The following UNC5CL variants were observed in gnomAD, a reference collection of about 807,000 sequenced individuals.
UNC5CL encodes UNC5C-like protein.
UNC5CL carries 42 observed loss-of-function variants against 54.1 expected under a neutral mutation model. The ratio of observed to expected loss-of-function variants is 0.78; its 90% CI spans 0.61 to 1.00. The LOEUF (loss-of-function observed/expected upper bound fraction) is 1.00, where lower values mean the gene tolerates loss of function less well. Ranked by LOEUF, UNC5CL falls within the 50% of genes least tolerant of loss-of-function variation. The pLI, the probability that UNC5CL is intolerant of heterozygous loss-of-function variation, is 0.00. For missense variants in UNC5CL, 619 were observed against 675.6 expected (o/e 0.92, Z 0.93); for synonymous variants, 285 against 285.1 (o/e 1.00, Z 0.00).
At chr6:41,030,286 T>C in intron 8 of UNC5CL, 102 bp downstream of exon 8, 1 of 1,129,084 alleles carries the variant, frequency 8.9e-7, no homozygotes, top group Non-Finnish European at 1.3e-6. Context: ...CTCTGACTTT[T>C]AAGTCACTCC....
chr6:41,031,596 G>A (rs771245504), intron 6 of UNC5CL, 85 bp downstream of exon 6: 2 of 1,336,124 alleles, frequency 1.5e-6, no homozygotes, highest in Non-Finnish European at 2.2e-6. Context: ...TAAGACCATA[G>A]TTACTGGGCA....
chr6:41,039,128 C>T (rs1363699111), intron 1 of UNC5CL, 34 bp downstream of exon 1: 1 of 152,466 alleles, frequency 6.6e-6, no homozygotes, highest in African/African-American at 2.4e-5. Context: ...TGCCCATCCC[C>T]TCTCCAGCTG....
At chr6:41,031,639 C>T in intron 6 of UNC5CL, 42 bp downstream of exon 6, 1 of 1,602,886 alleles carries the variant, frequency 6.2e-7, no homozygotes, top group Non-Finnish European at 8.5e-7. Flanking sequence ...CTAGGATTTC[C>T]CCCAGGCCCT....
Position 41,034,047 on chromosome 6 carries a change from G to A in UNC5CL, c.520C>T (p.Leu174=). The part of the protein sequence containing the change: ...VACGPHGASF[L]KPCTLTFKHC... The stretch of plus-strand genomic sequence containing the variant: ...TTGAACGTGAGAGTGCAAGGCTTCA[G>A]GAAGGAGGCCCCATGGGGGCCACAT... Residue 174 remains leucine, a synonymous_variant, in exon 3 of 9, where the codon CTG becomes TTG. Transcript: ENST00000244565. 6.2e-7 allele frequency: 1 copy of A among 1,614,226 alleles called. No individual in the cohort carries two copies.
rs751892920 is a variant in UNC5CL at position 41,030,782 on chromosome 6, A to G, written c.1120-27T>C. On this transcript the variant is annotated intron_variant, in intron 6 of 8. Transcript: ENST00000244565. Reference sequence around the variant, plus strand: ...TGAGTCAACACAGGGCAGGGAACACACTTAGGGGTCACAAGCCATCCCCCT... The same window carrying G: ...TGAGTCAACACAGGGCAGGGAACACGCTTAGGGGTCACAAGCCATCCCCCT... 1.7e-5 allele frequency: 28 copies of G among 1,606,618 alleles called. No individual in the cohort carries two copies. The South Asian group carries it at 2.6e-4, about 15-fold the overall frequency.
intron 2 of UNC5CL, among the ~76,000 whole-genome samples, 181 bp downstream of exon 2, chr6:41,034,509 T>A (rs992660940): frequency 6.6e-6 from 1 of 152,234 alleles, no homozygotes; most frequent in Admixed American, 6.5e-5. Context: ...TACTTCCACC[T>A]GCCAGGAAGT....
intron 1 of UNC5CL, among the ~76,000 whole-genome samples, chr6:41,036,696 G>A (rs1317956652): frequency 6.6e-6 from 1 of 151,058 alleles, no homozygotes; most frequent in Non-Finnish European, 1.5e-5. Context: ...CCTGAAGGTA[G>A]CTCACAGGGA....
rs1487363311 is a variant in UNC5CL, at chr6:41,029,781, A to C, written c.1334+607T>G. 6.6e-6 allele frequency among the ~76,000 whole-genome samples: 1 copy of C among 152,190 alleles called. No individual in the cohort carries two copies. Among genetic ancestry groups the C allele is most frequent in the Non-Finnish European group, 1.5e-5 (1 of 68,042 alleles). On this transcript the variant is annotated intron_variant, in intron 8 of 8. Coordinates refer to ENST00000244565, the MANE Select transcript of UNC5CL (RefSeq NM_173561.3). This position sits in a 1 kb window ranked among gnomAD's most constrained non-coding sequence, Gnocchi z 4.1. ...AACCCGGGAGATGGAGGTTGCAGTG[A>C]GCCAAGATTGCGCCATTGCACTCCA...
chr6:41,030,129 C>G (rs1267538715), intron 8 of UNC5CL, among the ~76,000 whole-genome samples: 1 of 152,252 alleles, frequency 6.6e-6, no homozygotes, highest in Non-Finnish European at 1.5e-5. Flanking sequence ...AAGCACTCAA[C>G]ATGTACCAAA....
chr6:41,035,252 TCA>T (rs1371618525), intron 1 of UNC5CL, 117 bp from the exon 2 acceptor site: 1 of 688,608 alleles, frequency 1.5e-6, no homozygotes, highest in Non-Finnish European at 2.2e-6. Context: ...CACACTTTAG[TCA>T]CACCAATTCT....
rs761347811 is a variant in UNC5CL, at chr6:41,035,068, G to A, written c.7C>T (p.Pro3Ser). 13 of 1,562,378 alleles carry A rather than the reference G, an allele frequency of 8.3e-6. No homozygotes were observed. The Admixed American group carries it at 2.1e-4, about 26-fold the overall frequency. Residue 3 changes from proline (P) to serine (S), a missense_variant, in exon 2 of 9, where the codon CCC (proline) becomes TCC (serine). Coordinates refer to ENST00000244565, the MANE Select transcript of UNC5CL (RefSeq NM_173561.3). The part of the protein sequence containing the change: MC[P>S]QESSFQPSQF... The stretch of plus-strand genomic sequence containing the variant: ...GAGGGTTGGAATGAACTCTCCTGGG[G>A]GCACATTCGCCTGGTTACTCAATGC...
Position 41,034,118 on chromosome 6 carries a change from G to T in UNC5CL, c.449C>A (p.Ala150Asp). The change falls in exon 3 of 9, where the codon GCC (alanine) becomes GAC (aspartate). Residue 150 changes from alanine (A) to aspartate (D), a missense_variant. By Grantham distance (126) the Ala-to-Asp change is moderately radical (BLOSUM62 -2). Transcript: ENST00000244565. ...SLILVWDLSDAPSLSQAQGLV... is the reference protein window; with the variant it reads ...SLILVWDLSDDPSLSQAQGLV... ...CCCCTGGGCTTGGGACAGCGATGGG[G>T]CGTCCGACAGGTCCCACACCAGGAT... The T allele has an allele frequency of 1.9e-6, 3 of 1,614,040 alleles. No homozygotes were observed. The highest frequency in any genetic ancestry group is 1.7e-6 in the Non-Finnish European group (2 of 1,179,972).
In UNC5CL at chr6:41,029,374, G is replaced by A. The variant is rs916314800; in HGVS notation, c.1335-779C>T. On this transcript the variant is annotated intron_variant, in intron 8 of 8. Transcript: ENST00000244565. This position sits in a 1 kb window ranked among gnomAD's most constrained non-coding sequence, Gnocchi z 4.1. ...GTTCAGACTTCTGGTCATAACGCCC[G>A]CAGTTCATTATTATTCTTGCTTCAG... Among the ~76,000 whole-genome samples the A allele has an allele frequency of 6.6e-6, 1 of 152,230 alleles. No homozygotes were observed. Among genetic ancestry groups the A allele is most frequent in the Non-Finnish European group, 1.5e-5 (1 of 68,008 alleles).
chr6:41,034,706 G>A lies in UNC5CL; in HGVS notation c.369C>T (p.Ser123=), dbSNP rs1190180214. ...GCLMLQDTGI[S]LLIPPGAVAV... Reference sequence around the variant, plus strand: ...AGCTGTTACCTGGTGGGATGAGCAAGGAGATGCCTGTATCCTGGAGCATCA... The same window carrying A: ...AGCTGTTACCTGGTGGGATGAGCAAAGAGATGCCTGTATCCTGGAGCATCA... Residue 123 remains serine, a synonymous_variant, in exon 2 of 9, where the codon TCC becomes TCT. Coordinates refer to ENST00000244565, the MANE Select transcript of UNC5CL (RefSeq NM_173561.3). 1.9e-6 allele frequency: 3 copies of A among 1,603,486 alleles called. No individual in the cohort carries two copies. Among genetic ancestry groups the A allele is most frequent in the South Asian group, 2.2e-5 (2 of 91,084 alleles).
chr6:41,031,893 T>G, intron 5 of UNC5CL, 143 bp downstream of exon 5: 1 of 1,226,304 alleles, frequency 8.2e-7, no homozygotes, highest in Non-Finnish European at 1.2e-6. Context: ...TGCAAAGATC[T>G]GTGTGGCTCC....
chr6:41,032,330 G>C (rs1762464026), intron 4 of UNC5CL, among the ~76,000 whole-genome samples, 193 bp from the exon 5 acceptor site: 1 of 152,142 alleles, frequency 6.6e-6, no homozygotes, highest in Admixed American at 6.5e-5. Context: ...CTGCTTCTGT[G>C]GGGTATAACC....
At chr6:41,032,011 G>A (rs1193983049) in intron 5 of UNC5CL, 25 bp downstream of exon 5, 2 of 1,608,340 alleles carry the variant, frequency 1.2e-6, no homozygotes, top group African/African-American at 1.3e-5. Context: ...GAGGGGAGGA[G>A]GTACACACAG....
rs992746295 is a variant in UNC5CL, at chr6:41,039,191, G to T, written c.-91C>A. 7 of 152,238 alleles carry T rather than the reference G, an allele frequency of 4.6e-5. No individual in the cohort carries two copies. The highest frequency in any genetic ancestry group is 1.7e-4 in the African/African-American group (7 of 41,448). The allele number at this position is 152,238 out of a possible 1,614,324, so 9.4% of individuals were successfully genotyped here. A position where few individuals can be genotyped will look rare whatever the true frequency, so the allele number is the denominator to read the frequency against. ...TAGGAGCTCTTAGAGGCTGCTGGCTGGTCCAGTTCCTTCTCCGAGAAACAA... is the reference window on the plus strand; with the variant it reads ...TAGGAGCTCTTAGAGGCTGCTGGCTTGTCCAGTTCCTTCTCCGAGAAACAA... On this transcript the variant is annotated 5_prime_UTR_variant, in exon 1 of 9. Coordinates refer to ENST00000244565, the MANE Select transcript of UNC5CL (RefSeq NM_173561.3).
Position 41,034,802 on chromosome 6 carries a change from G to C in UNC5CL, c.273C>G (p.Thr91=). 7.4e-6 allele frequency: 12 copies of C among 1,614,206 alleles called. No homozygotes were observed. Among genetic ancestry groups the C allele is most frequent in the Middle Eastern group, 1.6e-4 (1 of 6,062 alleles). Residue 91 remains threonine (T), a synonymous_variant, in exon 2 of 9, where the codon ACC becomes ACG. Coordinates refer to ENST00000244565, the MANE Select transcript of UNC5CL (RefSeq NM_173561.3). ...QELHTPTQGQ[T]MVRQLMHKLL... ...GTTTGTGCATCAACTGGCGGACCAT[G>C]GTCTGGCCTTGAGTGGGTGTGTGTA...
Sources: allele counts gnomAD v4.1 joint callset (sites outside exome capture counted in the v4.1 genomes callset), GRCh38; gene constraint gnomAD v4.1.1; non-coding constraint Gnocchi (gnomAD v3.1); transcripts MANE v1.5; gene names NCBI Gene and HGNC (gene_info 2026-07-23, HGNC 2026-07-21).